Variants in ALPK3 observed in about 807,000 individuals in gnomAD.
The protein encoded by ALPK3 is alpha-protein kinase 3.
ALPK3 carries 102 observed loss-of-function variants against 140.0 expected under a neutral mutation model. The observed-to-expected ratio is 0.73, with a 90% CI of 0.62 to 0.86. The LOEUF is 0.86. ALPK3 is among the 40% of genes least tolerant of loss of function. ALPK3 has a pLI of 0.00. For missense variants in ALPK3, 2,254 were observed against 2,208.2 expected (o/e 1.02, Z -0.42); for synonymous variants, 938 against 898.5 (o/e 1.04, Z -0.79).
At chr15:84,822,731 A>G (rs948913771) in intron 1 of ALPK3, among the ~76,000 whole-genome samples, 2 of 152,164 alleles carry the variant, frequency 1.3e-5, no homozygotes, top group Admixed American at 1.3e-4. Context: ...CTCAGGCAGA[A>G]TGGGCCTTGT....
intron 1 of ALPK3, among the ~76,000 whole-genome samples, chr15:84,818,215 C>G (rs1963384728): frequency 6.6e-6 from 1 of 152,134 alleles, no homozygotes; most frequent in South Asian, 2.1e-4. Context: ...TCTGAGGGAG[C>G]CAAGTGCCCT....
rs568699617 is a variant in ALPK3, at chr15:84,862,655, AC to A, written c.4154del (p.Pro1385LeufsTer23). 27 of 1,609,180 alleles carry A rather than the reference AC, an allele frequency of 1.7e-5. No homozygotes were observed. The highest frequency in any genetic ancestry group is 2.1e-5 in the Non-Finnish European group (25 of 1,176,838). Reference protein sequence around the residue: ...EGEVGEEIEMTPMVFAKGLAD... With the variant: ...EGEVGEEIEMXPMVFAKGLAD... ...TTCAGTTGGAGAAGAGATTGAGATG[AC>A]CCCTATGGTGTTTGCTAAGGGTCTG... On this transcript the variant is annotated frameshift_variant, in exon 10 of 14. Transcript: ENST00000258888. LOFTEE classifies it high-confidence loss of function.
At position 84,827,663 on chromosome 15, in the gene ALPK3, G is replaced by T; in HGVS notation, c.304+58G>T. Reference sequence around the variant, plus strand: ...GCCTCTGCACAGAGCAGGGTCCAAGGAGGCTGTGAGGACAGGAATGGTGGG... The same window carrying T: ...GCCTCTGCACAGAGCAGGGTCCAAGTAGGCTGTGAGGACAGGAATGGTGGG... On this transcript the variant is annotated intron_variant, in intron 3 of 13. Transcript: ENST00000258888. 3.1e-6 allele frequency: 5 copies of T among 1,597,434 alleles called. No individual in the cohort carries two copies. The South Asian group carries it at 5.5e-5, about 18-fold the overall frequency.
chr15:84,848,435 C>G (rs1380043361), intron 5 of ALPK3, among the ~76,000 whole-genome samples: 6 of 151,726 alleles, frequency 4.0e-5, no homozygotes, highest in African/African-American at 1.5e-4. Context: ...ATTGTAAGCC[C>G]TAGAGCAACA....
intron 13 of ALPK3, 66 bp from the exon 14 acceptor site, chr15:84,868,045 G>A (rs1596159425): frequency 6.6e-7 from 1 of 1,508,496 alleles, no homozygotes; most frequent in East Asian, 2.3e-5. Flanking sequence ...CCACCCCAGA[G>A]TCCGCCCCCC....
At chr15:84,826,418 C>A (rs1963489691) in intron 2 of ALPK3, among the ~76,000 whole-genome samples, 1 of 152,176 alleles carries the variant, frequency 6.6e-6, no homozygotes, top group Non-Finnish European at 1.5e-5. Flanking sequence ...CTTCCCTTTG[C>A]CCCCTCACAG....
rs1318142876 is a variant in ALPK3, at chr15:84,839,694, A to C, written c.423-8A>C. On this transcript the variant is annotated splice_region_variant and splice_polypyrimidine_tract_variant and intron_variant, in intron 4 of 13. Coordinates refer to ENST00000258888, the MANE Select transcript of ALPK3 (RefSeq NM_020778.5). Reference sequence around the variant, plus strand: ...GGGAGAGGTGGCACCTCCCGCTCCTACCTCTAGGTGTCGAGAAGAAGATGC... The same window carrying C: ...GGGAGAGGTGGCACCTCCCGCTCCTCCCTCTAGGTGTCGAGAAGAAGATGC... 6.9e-6 allele frequency: 11 copies of C among 1,591,610 alleles called. No homozygotes were observed. The highest frequency in any genetic ancestry group is 9.4e-6 in the Non-Finnish European group (11 of 1,167,454).
intron 3 of ALPK3, among the ~76,000 whole-genome samples, chr15:84,834,712 C>A (rs1321736983): frequency 1.3e-5 from 2 of 152,212 alleles, no homozygotes; most frequent in Non-Finnish European, 2.9e-5. Context: ...GGCTGTGAAA[C>A]AGAGGCCACA....
intron 5 of ALPK3, among the ~76,000 whole-genome samples, chr15:84,849,774 A>G (rs1963780489): frequency 6.6e-6 from 1 of 152,284 alleles, no homozygotes; most frequent in Middle Eastern, 3.4e-3. Flanking sequence ...GAAAATGTAT[A>G]GCATTAAAAT....
intron 2 of ALPK3, among the ~76,000 whole-genome samples, chr15:84,823,704 C>T (rs1245221468): frequency 6.6e-6 from 1 of 152,148 alleles, no homozygotes; most frequent in Non-Finnish European, 1.5e-5. Context: ...CATGACCCAC[C>T]TCTTCCCCAT....
chr15:84,839,583 G>T, intron 4 of ALPK3, 119 bp from the exon 5 acceptor site: 1 of 1,121,466 alleles, frequency 8.9e-7, no homozygotes, highest in African/African-American at 1.6e-5. Flanking sequence ...CGTAGCACAC[G>T]GCAGGGCTTG....
intron 5 of ALPK3, among the ~76,000 whole-genome samples, chr15:84,849,631 CTT>C (rs1455796407): frequency 3.9e-5 from 6 of 152,192 alleles, no homozygotes; most frequent in African/African-American, 1.4e-4. Flanking sequence ...TTTCTAAACA[CTT>C]TTAAATTAAA....
intron 5 of ALPK3, among the ~76,000 whole-genome samples, chr15:84,844,443 T>C (rs1963705742): frequency 6.6e-6 from 1 of 152,066 alleles, no homozygotes; most frequent in Non-Finnish European, 1.5e-5. Flanking sequence ...GGCCCACAGG[T>C]TTCCAACTTT....
intron 12 of ALPK3, 147 bp from the exon 13 acceptor site, chr15:84,867,170 G>GT: frequency 1.9e-6 from 1 of 528,414 alleles, no homozygotes; most frequent in Non-Finnish European, 3.3e-6. Flanking sequence ...CCAGGAAGTT[G>GT]ATGCCAGCCT....
At chr15:84,864,786 C>T (rs904650159) in intron 12 of ALPK3, 121 bp downstream of exon 12, 2 of 1,095,842 alleles carry the variant, frequency 1.8e-6, no homozygotes, top group African/African-American at 3.2e-5. Flanking sequence ...TTCTTTTTTG[C>T]TTTTCACAAT....
Position 84,840,017 on chromosome 15 carries a change from C to A in ALPK3, c.738C>A (p.Thr246=), listed in dbSNP as rs1283625762. The A allele has an allele frequency of 1.9e-6, 3 of 1,613,614 alleles. No individual in the cohort carries two copies. In the African/African-American group the frequency reaches 4.0e-5, roughly 22 times the overall value. Residue 246 remains threonine, a synonymous_variant, in exon 5 of 14, where the codon ACC becomes ACA. Coordinates refer to ENST00000258888, the MANE Select transcript of ALPK3 (RefSeq NM_020778.5). The part of the protein sequence containing the change: ...SVPTREPEGG[T]LAAWQEGETE... ...CTACCAGGGAGCCTGAGGGTGGGAC[C>A]CTGGCGGCTTGGCAGGAGGGAGAGA...
rs1442088577 is a variant in ALPK3, at chr15:84,839,821, G to C, written c.542G>C (p.Trp181Ser). ...ACTGAGTACAAGATCCACCAGCGCT[G>C]GTTCGCCAAGTTGAAGCGCAAGGCT... ...TMTEYKIHQR[W>S]FAKLKRKAAA... Residue 181 changes from tryptophan to serine, a missense_variant, in exon 5 of 14, where the codon TGG becomes TCG. Transcript: ENST00000258888. 6.2e-7 allele frequency: 1 copy of C among 1,614,142 alleles called. No individual in the cohort carries two copies. The highest frequency in any genetic ancestry group is 8.5e-7 in the Non-Finnish European group (1 of 1,180,046).
intron 12 of ALPK3, among the ~76,000 whole-genome samples, chr15:84,865,679 C>T (rs1446864561): frequency 6.6e-6 from 1 of 152,240 alleles, no homozygotes; most frequent in Admixed American, 6.5e-5. Flanking sequence ...TTAAAGTCGG[C>T]TGGGCGCGGA....
chr15:84,852,005 C>T (rs1963809135), intron 5 of ALPK3, among the ~76,000 whole-genome samples: 1 of 152,192 alleles, frequency 6.6e-6, no homozygotes, highest in South Asian at 2.1e-4. Context: ...CCCTTATCCA[C>T]AGAAGATACT....
Sources: allele counts gnomAD v4.1 joint callset (sites outside exome capture counted in the v4.1 genomes callset), GRCh38; gene constraint gnomAD v4.1.1; transcripts MANE v1.5; gene names NCBI Gene and HGNC (gene_info 2026-07-23, HGNC 2026-07-21).